The following RBFOX1 variants were observed in gnomAD, a reference collection of about 807,000 sequenced individuals.
RBFOX1 encodes RNA binding fox-1 homolog 1.
RBFOX1 carries 8 observed loss-of-function variants against 57.7 expected under a neutral mutation model. That is an observed-to-expected ratio of 0.14 (90% CI 0.08 to 0.25). The LOEUF (loss-of-function observed/expected upper bound fraction) is 0.25. Ranked by LOEUF, RBFOX1 falls within the 10% of genes least tolerant of loss-of-function variation. The probability of loss-of-function intolerance (pLI) is 1.00; values close to 1 mark genes in which losing one functional copy is unlikely to be tolerated. For synonymous variants in RBFOX1, 326 were observed against 222.4 expected (o/e 1.47, Z -4.15); for missense variants, 611 against 548.5 (o/e 1.11, Z -1.14).
At chr16:6,632,300 C>G (rs190309887) in intron 2 of RBFOX1, among the ~76,000 whole-genome samples, 1 of 151,500 alleles carries the variant, frequency 6.6e-6, no homozygotes, top group East Asian at 1.9e-4. Flanking sequence ...ATCTGTGAAA[C>G]CTTGCACCAG....
intron 12 of RBFOX1, among the ~76,000 whole-genome samples, chr16:7,661,798 GTTC>G (rs1255297307): frequency 1.3e-5 from 2 of 152,174 alleles, no homozygotes; most frequent in East Asian, 1.9e-4. Context: ...AGCTACACTA[GTTC>G]TTCTTTGGTT....
intron 2 of RBFOX1, among the ~76,000 whole-genome samples, chr16:5,473,324 T>C (rs2069202020): frequency 6.6e-6 from 1 of 152,206 alleles, no homozygotes; most frequent in African/African-American, 2.4e-5. Flanking sequence ...ACCTGACACC[T>C]CATTACTCCT....
At chr16:5,562,563 C>G (rs894306358) in intron 2 of RBFOX1, among the ~76,000 whole-genome samples, 3 of 152,012 alleles carry the variant, frequency 2.0e-5, no homozygotes, top group African/African-American at 7.2e-5. Flanking sequence ...CAGAGGATTA[C>G]CCACTATGGC....
chr16:6,766,849 G>A (rs983765534), intron 3 of RBFOX1, among the ~76,000 whole-genome samples: 2 of 151,992 alleles, frequency 1.3e-5, no homozygotes. Context: ...GGGATCTGGG[G>A]AAGCATGTTC....
chr16:5,627,889 G>A (rs1057486009), intron 3 of RBFOX1, among the ~76,000 whole-genome samples: 1 of 152,160 alleles, frequency 6.6e-6, no homozygotes, highest in African/African-American at 2.4e-5. Context: ...TATCCACAAG[G>A]GGGGTCCTGG....
intron 4 of RBFOX1, among the ~76,000 whole-genome samples, chr16:7,435,532 T>G (rs1460202377): frequency 6.6e-6 from 1 of 152,194 alleles, no homozygotes; most frequent in Non-Finnish European, 1.5e-5. Flanking sequence ...AGGTGTTTGT[T>G]AGGCTTCACC....
At chr16:5,893,420 C>G (rs1170242585) in intron 4 of RBFOX1, among the ~76,000 whole-genome samples, 1 of 152,190 alleles carries the variant, frequency 6.6e-6, no homozygotes, top group African/African-American at 2.4e-5. Flanking sequence ...AAGAGTCTAA[C>G]TGGATTGTTT....
chr16:5,662,884 A>G (rs780755578), intron 3 of RBFOX1, among the ~76,000 whole-genome samples: 5 of 152,210 alleles, frequency 3.3e-5, no homozygotes, highest in Non-Finnish European at 5.9e-5. Context: ...TGTTAGGTTA[A>G]AAGGATTAAA....
chr16:7,413,904 G>C (rs768987981), intron 4 of RBFOX1, among the ~76,000 whole-genome samples: 10 of 152,108 alleles, frequency 6.6e-5, no homozygotes, highest in Non-Finnish European at 1.5e-4. Flanking sequence ...ATTTGCATTC[G>C]TTAAGTGCAG....
chr16:6,193,398 A>ATATATATATACATTATATATATATAC, intron 1 of RBFOX1, among the ~76,000 whole-genome samples: 1 of 62,860 alleles, frequency 1.6e-5, no homozygotes, highest in East Asian at 3.7e-4. Context: ...TATACTATAT[A>ATATATATATACATTATATATATATAC]TATATATATA....
At position 7,020,843 on chromosome 16, in the gene RBFOX1, G is replaced by C. The variant is rs532124903; in HGVS notation, c.-15-31214G>C. ...AAGTGAGCACTTAAGAATTTTTCTC[G>C]AGGCCAGTCTTGAAGGCTCATGCCT... On this transcript the variant is annotated intron_variant, in intron 3 of 15. Transcript: ENST00000550418. 3.3e-5 allele frequency among the ~76,000 whole-genome samples: 5 copies of C among 152,158 alleles called. No individual in the cohort carries two copies. The South Asian group carries it at 8.3e-4, about 25-fold the overall frequency.
intron 1 of RBFOX1, among the ~76,000 whole-genome samples, chr16:5,279,085 C>T (rs1006909169): frequency 6.6e-6 from 1 of 151,984 alleles, no homozygotes; most frequent in Admixed American, 6.6e-5. Flanking sequence ...TTCTGTGGTT[C>T]CATGTGAATT....
intron 4 of RBFOX1, among the ~76,000 whole-genome samples, chr16:5,912,691 G>C (rs574881788): frequency 6.6e-6 from 1 of 152,258 alleles, no homozygotes; most frequent in Admixed American, 6.5e-5. Context: ...AGTAATTTAA[G>C]CATGACTCTT....
chr16:6,181,940 G>C (rs375581365), intron 1 of RBFOX1, among the ~76,000 whole-genome samples: 39 of 152,098 alleles, frequency 2.6e-4, no homozygotes, highest in African/African-American at 8.2e-4. Context: ...GGGATGCCGA[G>C]ATCATTGGCA....
chr16:7,400,196 T>G (rs2098217548), intron 4 of RBFOX1, among the ~76,000 whole-genome samples: 1 of 152,212 alleles, frequency 6.6e-6, no homozygotes, highest in Non-Finnish European at 1.5e-5. Context: ...AATTTTGTCA[T>G]GCATAAGAAT....
At chr16:6,641,061 G>A (rs1024112485) in intron 2 of RBFOX1, among the ~76,000 whole-genome samples, 1 of 152,164 alleles carries the variant, frequency 6.6e-6, no homozygotes, top group African/African-American at 2.4e-5. Flanking sequence ...CCACTTTCCC[G>A]ATCTTCACTT....
At chr16:7,128,014 C>G (rs1052742531) in intron 4 of RBFOX1, among the ~76,000 whole-genome samples, 1 of 152,170 alleles carries the variant, frequency 6.6e-6, no homozygotes, top group Non-Finnish European at 1.5e-5. Context: ...TGGTTCTTTG[C>G]TGTTTCTTGG....
chr16:6,985,979 G>A (rs554813503), intron 3 of RBFOX1, among the ~76,000 whole-genome samples: 13 of 150,954 alleles, frequency 8.6e-5, no homozygotes, highest in Admixed American at 3.3e-4. Flanking sequence ...CAAACTTACC[G>A]GACGAGAGAA....
intron 4 of RBFOX1, among the ~76,000 whole-genome samples, chr16:5,981,635 A>C (rs2060175159): frequency 6.6e-6 from 1 of 151,944 alleles, no homozygotes; most frequent in Non-Finnish European, 1.5e-5. Flanking sequence ...GGCTGGGCCA[A>C]TTTTTATATT....
Sources: allele counts gnomAD v4.1 joint callset (sites outside exome capture counted in the v4.1 genomes callset), GRCh38; gene constraint gnomAD v4.1.1; transcripts MANE v1.5; gene names NCBI Gene and HGNC (gene_info 2026-07-23, HGNC 2026-07-21).